The following WWOX variants were observed in gnomAD, a reference collection of about 807,000 sequenced individuals.
The protein encoded by WWOX is WW domain containing oxidoreductase.
Under a neutral mutation model 46.2 loss-of-function variants are expected in WWOX, and 69 were observed. That is an observed-to-expected ratio of 1.49 (90% confidence interval 1.23 to 1.82). WWOX has a LOEUF of 1.82. WWOX is among the 40% of genes most tolerant of loss of function. The pLI, the probability that WWOX is intolerant of heterozygous loss-of-function variation, is 0.00. For synonymous variants in WWOX, 359 were observed against 202.6 expected (o/e 1.77, Z -6.56); for missense variants, 919 against 542.6 (o/e 1.69, Z -6.89).
intron 8 of WWOX, among the ~76,000 whole-genome samples, chr16:78,727,467 A>G (rs1477417): frequency 0.17 from 25,149 of 152,100 alleles, 2,697 homozygotes; most frequent in Non-Finnish European, 0.23. Context: ...ATACATCACC[A>G]CAGAACTGCC....
At chr16:78,905,213 G>T (rs987874508) in intron 8 of WWOX, among the ~76,000 whole-genome samples, 1 of 152,132 alleles carries the variant, frequency 6.6e-6, no homozygotes, top group Admixed American at 6.6e-5. Context: ...GCCAATCTCA[G>T]GAGAGGAGGA....
At chr16:78,593,563 G>GCATATAT (rs2045401780) in intron 8 of WWOX, among the ~76,000 whole-genome samples, 2 of 152,200 alleles carry the variant, frequency 1.3e-5, no homozygotes, top group African/African-American at 4.8e-5. Flanking sequence ...GGGGGAATGA[G>GCATATAT]CATATATCAA....
intron 8 of WWOX, among the ~76,000 whole-genome samples, chr16:78,458,905 AT>A (rs1270382091): frequency 7.9e-5 from 12 of 152,110 alleles, no homozygotes; most frequent in African/African-American, 2.9e-4. Context: ...GGGAAAAAAA[AT>A]CTTTCATTTC....
In WWOX at chr16:78,905,892, C is replaced by T. The variant is rs536250540; in HGVS notation, c.1057-305716C>T. Among the ~76,000 whole-genome samples, 105 of 152,256 alleles carry T rather than the reference C, an allele frequency of 6.9e-4. No individual in the cohort carries two copies. In the South Asian group the frequency reaches 0.014, roughly 20 times the overall value. Reference sequence around the variant, plus strand: ...AAACGTGGCCCAAAGTCATTAGTGTCGGAGCACCCAGCCATCCTTGGCTCC... The same window carrying T: ...AAACGTGGCCCAAAGTCATTAGTGTTGGAGCACCCAGCCATCCTTGGCTCC... On this transcript the variant is annotated intron_variant, in intron 8 of 8. Transcript: ENST00000566780.
At chr16:78,599,736 A>T (rs1847450590) in intron 8 of WWOX, among the ~76,000 whole-genome samples, 1 of 152,062 alleles carries the variant, frequency 6.6e-6, no homozygotes, top group African/African-American at 2.4e-5. Flanking sequence ...TGGGCAACAG[A>T]GGGAGAATTG....
intron 8 of WWOX, among the ~76,000 whole-genome samples, chr16:78,861,219 A>G (rs2043878650): frequency 6.6e-6 from 1 of 152,134 alleles, no homozygotes; most frequent in Non-Finnish European, 1.5e-5. Context: ...GCCTGAATAA[A>G]ATAAAAGACT....
At chr16:79,041,463 C>G (rs2047969785) in intron 8 of WWOX, among the ~76,000 whole-genome samples, 1 of 152,184 alleles carries the variant, frequency 6.6e-6, no homozygotes, top group African/African-American at 2.4e-5. Flanking sequence ...CTGTGGGTTC[C>G]AGTTTCTCAT....
intron 6 of WWOX, among the ~76,000 whole-genome samples, chr16:78,401,604 G>A (rs916103970): frequency 1.3e-5 from 2 of 152,148 alleles, no homozygotes; most frequent in Non-Finnish European, 2.9e-5. Context: ...GAACCCCACT[G>A]AAGGCTACTT....
intron 8 of WWOX, among the ~76,000 whole-genome samples, chr16:79,172,992 G>C (rs1367688987): frequency 6.6e-6 from 1 of 152,184 alleles, no homozygotes; most frequent in Non-Finnish European, 1.5e-5. Flanking sequence ...CTGCACTCCA[G>C]GCTGTGTGAC....
chr16:79,054,896 G>T (rs376513282), intron 8 of WWOX, among the ~76,000 whole-genome samples: 11 of 152,314 alleles, frequency 7.2e-5, no homozygotes, highest in African/African-American at 2.6e-4. Context: ...ATAAAAGGCA[G>T]TGTTTTAAGT....
At chr16:78,658,015 G>A (rs756965391) in intron 8 of WWOX, among the ~76,000 whole-genome samples, 6 of 151,938 alleles carry the variant, frequency 3.9e-5, no homozygotes, top group Non-Finnish European at 7.4e-5. Context: ...CTCAACCTTG[G>A]CACTATTGAC....
At chr16:78,836,230 A>C (rs879404797) in intron 8 of WWOX, among the ~76,000 whole-genome samples, 8 of 151,922 alleles carry the variant, frequency 5.3e-5, no homozygotes, top group African/African-American at 1.9e-4. Flanking sequence ...CTAATAGCAC[A>C]CTGAGGTAGG....
intron 8 of WWOX, among the ~76,000 whole-genome samples, chr16:79,069,838 A>G (rs1355217016): frequency 3.3e-5 from 5 of 152,176 alleles, no homozygotes; most frequent in African/African-American, 1.2e-4. Context: ...GTCTCAGATA[A>G]GAGCTCTATG....
chr16:79,033,886 C>G (rs538142507), intron 8 of WWOX, among the ~76,000 whole-genome samples: 5 of 152,330 alleles, frequency 3.3e-5, no homozygotes, highest in South Asian at 2.1e-4. Flanking sequence ...TTAGGACTGT[C>G]TGTCGCACCA....
intron 8 of WWOX, among the ~76,000 whole-genome samples, chr16:79,144,286 G>A (rs979571060): frequency 2.0e-5 from 3 of 152,160 alleles, no homozygotes; most frequent in Non-Finnish European, 4.4e-5. Context: ...AACCTGTTTA[G>A]CCTGTCAAGA....
intron 8 of WWOX, among the ~76,000 whole-genome samples, chr16:78,579,632 G>A (rs2044997497): frequency 6.6e-6 from 1 of 152,172 alleles, no homozygotes; most frequent in Admixed American, 6.5e-5. Context: ...TTTGGAGTGG[G>A]AAAGTTGAGG....
chr16:78,432,497 T>TA lies in WWOX; in HGVS notation c.802dup (p.Ile268AsnfsTer2). On this transcript the variant is annotated frameshift_variant, in exon 8 of 9. Coordinates refer to ENST00000566780, the MANE Select transcript of WWOX (RefSeq NM_016373.4). LOFTEE classifies it high-confidence loss of function. The stretch of plus-strand genomic sequence containing the variant: ...ATTTCCTATTTTTAAGATTTACAGA[T>TA]ATTAACGACTCCTTGGGAAAACTGG... The TA allele has an allele frequency of 6.2e-7, 1 of 1,614,102 alleles. No homozygotes were observed. Among genetic ancestry groups the TA allele is most frequent in the Admixed American group, 1.7e-5 (1 of 60,012 alleles).
At chr16:78,162,742 C>G (rs887344127) in intron 4 of WWOX, among the ~76,000 whole-genome samples, 1 of 151,964 alleles carries the variant, frequency 6.6e-6, no homozygotes, top group African/African-American at 2.4e-5. Flanking sequence ...TGTGTAAGAG[C>G]CTGGGAGAAT....
intron 8 of WWOX, among the ~76,000 whole-genome samples, chr16:79,071,276 C>G (rs1029319010): frequency 4.6e-5 from 7 of 152,182 alleles, no homozygotes; most frequent in Non-Finnish European, 5.9e-5. Context: ...TTTTTGACAA[C>G]CTGACAATGA....
Sources: gnomAD v4.1 joint callset for allele counts (sites outside exome capture counted in the v4.1 genomes callset) on GRCh38, gnomAD v4.1.1 for gene constraint, MANE v1.5 for transcripts, NCBI Gene and HGNC (gene_info 2026-07-23, HGNC 2026-07-21) for gene names.